Variants in HECTD4 observed in about 807,000 individuals in gnomAD.
The protein encoded by HECTD4 is HECT domain E3 ubiquitin protein ligase 4, also known as probable E3 ubiquitin-protein ligase HECTD4.
HECTD4 carries 114 observed loss-of-function variants against 471.5 expected under a neutral mutation model. The observed-to-expected ratio is 0.24, with a 90% CI of 0.21 to 0.28. The LOEUF is 0.28. Among genes scored for constraint, HECTD4 ranks in the 10% least tolerant of loss-of-function variants. The pLI is 1.00. For synonymous variants in HECTD4, 2,012 were observed against 2,256.0 expected, an observed-to-expected ratio of 0.89 and a Z score of 3.07; for missense variants, 3,866 against 5,651.5, an observed-to-expected ratio of 0.68 and a Z score of 10.13.
chr12:112,217,033 C>A lies in HECTD4; in HGVS notation c.7236+1G>T. 1 of 1,583,564 alleles carries A rather than the reference C, an allele frequency of 6.3e-7. No homozygotes were observed. Reference sequence around the variant, plus strand: ...AGACAGTGTGTCATGTGATGTCTCACCTGAACTGGCAGTGGTGAAGTGGCA... The same window carrying A: ...AGACAGTGTGTCATGTGATGTCTCAACTGAACTGGCAGTGGTGAAGTGGCA... On this transcript the variant is annotated splice_donor_variant, in intron 46 of 75. Transcript: ENST00000682272. LOFTEE classifies it high-confidence loss of function.
In HECTD4 at chr12:112,235,822, A is replaced by G. The variant is rs371513903; in HGVS notation, c.5445-38T>C. The G allele has an allele frequency of 3.9e-6, 6 of 1,544,232 alleles. No individual in the cohort carries two copies. Among genetic ancestry groups the G allele is most frequent in the Non-Finnish European group, 5.3e-6 (6 of 1,139,404 alleles). ...GAAGAAAAGGTACACAGTGCTAGAAATGTTGATCTATAGACATTCAGAAGC... is the reference window on the plus strand; with the variant it reads ...GAAGAAAAGGTACACAGTGCTAGAAGTGTTGATCTATAGACATTCAGAAGC... On this transcript the variant is annotated intron_variant, in intron 35 of 75. Coordinates refer to ENST00000682272, the MANE Select transcript of HECTD4 (RefSeq NM_001388303.1). This position sits in a 1 kb window ranked among gnomAD's most constrained non-coding sequence, Gnocchi z 5.0.
chr12:112,367,039 C>A (rs1185393797), intron 1 of HECTD4, among the ~76,000 whole-genome samples: 2 of 150,584 alleles, frequency 1.3e-5, no homozygotes, highest in Non-Finnish European at 3.0e-5. Context: ...TAGTGGCTCA[C>A]GCATGTAATC....
chr12:112,253,326 T>C (rs1394125888), intron 22 of HECTD4, among the ~76,000 whole-genome samples: 1 of 151,988 alleles, frequency 6.6e-6, no homozygotes, highest in Non-Finnish European at 1.5e-5. Context: ...GGTTTCATCA[T>C]GTTGGCCAGG....
chr12:112,204,745 T>C, intron 52 of HECTD4, 122 bp from the exon 53 acceptor site: 2 of 805,038 alleles, frequency 2.5e-6, no homozygotes, highest in South Asian at 1.9e-5. Context: ...TGAAAGTACA[T>C]AACCCTTTGG....
At position 112,161,678 on chromosome 12, in the gene HECTD4, A is replaced by C. The variant is rs2030695650; in HGVS notation, c.*709T>G. 6.6e-6 allele frequency: 1 copy of C among 152,198 alleles called. No individual in the cohort carries two copies. Among genetic ancestry groups the C allele is most frequent in the Admixed American group, 6.5e-5 (1 of 15,276 alleles). 9.4% of individuals were successfully genotyped at this position (152,198 alleles called of 1,614,324 possible). ...GAACTAAGGTCGGGATGAACCCTTA[A>C]GTCTCCTGCTCCCGAGGAGGCCTCA... On this transcript the variant is annotated 3_prime_UTR_variant, in exon 76 of 76. Coordinates refer to ENST00000682272, the MANE Select transcript of HECTD4 (RefSeq NM_001388303.1).
At chr12:112,251,953 G>T (rs564146915) in intron 23 of HECTD4, among the ~76,000 whole-genome samples, 1 of 152,080 alleles carries the variant, frequency 6.6e-6, no homozygotes, top group African/African-American at 2.4e-5. Flanking sequence ...TGTATTTTTA[G>T]TAGAGACGGG....
chr12:112,352,275 A>G (rs949337934), intron 1 of HECTD4, among the ~76,000 whole-genome samples: 38 of 151,830 alleles, frequency 2.5e-4, no homozygotes, highest in African/African-American at 9.2e-4. Context: ...CTTTTAAACG[A>G]GACTAATGAG....
Position 112,246,988 on chromosome 12 carries a change from T to C in HECTD4, c.4426A>G (p.Asn1476Asp). Residue 1476 changes from asparagine (N) to aspartate (D), a missense_variant, in exon 29 of 76, where the codon AAC (asparagine) becomes GAC (aspartate). Around this residue, in one of 16 missense-constraint regions of HECTD4, gnomAD observed 281 missense variants for 499.9 expected, o/e 0.56. Coordinates refer to ENST00000682272, the MANE Select transcript of HECTD4 (RefSeq NM_001388303.1). ...ACATGCAGCAACAGCTCGGCTCGGTTCATTAAACTCTTCACTAACGTCTTT... is the reference window on the plus strand; with the variant it reads ...ACATGCAGCAACAGCTCGGCTCGGTCCATTAAACTCTTCACTAACGTCTTT... ...KTKTLVKSLM[N>D]RAELLLHVTI... The C allele has an allele frequency of 6.2e-7, 1 of 1,612,106 alleles. No individual in the cohort carries two copies. Among genetic ancestry groups the C allele is most frequent in the East Asian group, 2.2e-5 (1 of 44,882 alleles).
rs1273352859 is a variant in HECTD4 at position 112,247,554 on chromosome 12, A to C, written c.4249-4T>G. ...GTTCTAGTTCTTTCATTTTGTTCTAAAGAAAAAAAAGATGGTATGCAGAAT... is the reference window on the plus strand; with the variant it reads ...GTTCTAGTTCTTTCATTTTGTTCTACAGAAAAAAAAGATGGTATGCAGAAT... On this transcript the variant is annotated splice_polypyrimidine_tract_variant and splice_region_variant and intron_variant, in intron 27 of 75. Transcript: ENST00000682272. 1.4e-6 allele frequency: 2 copies of C among 1,409,098 alleles called. No individual in the cohort carries two copies. The highest frequency in any genetic ancestry group is 1.9e-6 in the Non-Finnish European group (2 of 1,040,346). The allele number at this position is 1,409,098 out of a possible 1,614,324, so 87.3% of individuals were successfully genotyped here. A position where few individuals can be genotyped will look rare whatever the true frequency, so the allele number is the denominator to read the frequency against.
Position 112,219,483 on chromosome 12 carries a change from C to T in HECTD4, c.6977G>A (p.Arg2326Gln), listed in dbSNP as rs759911701. 28 of 1,612,824 alleles carry T rather than the reference C, an allele frequency of 1.7e-5. No homozygotes were observed. Among genetic ancestry groups the T allele is most frequent in the Admixed American group, 6.7e-5 (4 of 59,968 alleles). The change falls in exon 45 of 76, where the codon CGA becomes CAA. Residue 2326 changes from arginine to glutamine, a missense_variant. Physicochemically the swap from Arg to Gln is conservative, Grantham distance 43. Coordinates refer to ENST00000682272, the MANE Select transcript of HECTD4 (RefSeq NM_001388303.1). The stretch of plus-strand genomic sequence containing the variant: ...ACACTGTACCTCCACAACTGCAAGT[C>T]GCTCTCCTGTAGAGGGCACATGTTG... ...LVAQECSAGE[R>Q]LAVVEVQCER...
intron 1 of HECTD4, among the ~76,000 whole-genome samples, chr12:112,354,715 C>T (rs1274198716): frequency 5.3e-5 from 8 of 152,042 alleles, no homozygotes; most frequent in Admixed American, 4.6e-4. Context: ...CACACACACA[C>T]GCACGCACAA....
chr12:112,274,319 T>C (rs1334084766), intron 10 of HECTD4, among the ~76,000 whole-genome samples: 3 of 152,230 alleles, frequency 2.0e-5, no homozygotes, highest in Admixed American at 2.0e-4. Flanking sequence ...TCACACAACC[T>C]AATCAATAGT....
intron 45 of HECTD4, among the ~76,000 whole-genome samples, chr12:112,217,926 T>C (rs1234462612): frequency 6.6e-6 from 1 of 152,166 alleles, no homozygotes; most frequent in Non-Finnish European, 1.5e-5. Context: ...TTTTTAATCA[T>C]TCTAATCATA....
chr12:112,375,223 G>T (rs945377621), intron 1 of HECTD4, among the ~76,000 whole-genome samples: 1 of 152,136 alleles, frequency 6.6e-6, no homozygotes, highest in Non-Finnish European at 1.5e-5. Context: ...GAGTACCAAC[G>T]GTTCATTCGT....
chr12:112,264,320 A>G, intron 16 of HECTD4, 108 bp from the exon 17 acceptor site: 1 of 1,108,324 alleles, frequency 9.0e-7, no homozygotes, highest in Non-Finnish European at 1.2e-6. Flanking sequence ...AAAGAGAAAT[A>G]AAAAAAACAG....
chr12:112,172,407 C>T (rs1218381620), intron 67 of HECTD4, among the ~76,000 whole-genome samples: 1 of 152,256 alleles, frequency 6.6e-6, no homozygotes, highest in African/African-American at 2.4e-5. Context: ...TTCCCCGCAG[C>T]CGTGCATTTC....
At chr12:112,325,106 G>A (rs1172926471) in intron 1 of HECTD4, among the ~76,000 whole-genome samples, 1 of 152,144 alleles carries the variant, frequency 6.6e-6, no homozygotes, top group African/African-American at 2.4e-5. Flanking sequence ...AAAATGATGT[G>A]TATGACAAAA....
Position 112,319,764 on chromosome 12 carries a change from A to T in HECTD4, c.178-22T>A, listed in dbSNP as rs2035548611. 2 of 1,244,508 alleles carry T rather than the reference A, an allele frequency of 1.6e-6. No individual in the cohort carries two copies. The highest frequency in any genetic ancestry group is 1.0e-6 in the Non-Finnish European group (1 of 994,562). The allele number at this position is 1,244,508 out of a possible 1,614,324, so 77.1% of individuals were successfully genotyped here. A position where few individuals can be genotyped will look rare whatever the true frequency, so the allele number is the denominator to read the frequency against. ...AAATCTAAGGAAAAAGACGATGGAG[A>T]AGTGGGTAAATATTACTTTCACCAA... On this transcript the variant is annotated intron_variant, in intron 1 of 75. Coordinates refer to ENST00000682272, the MANE Select transcript of HECTD4 (RefSeq NM_001388303.1). The surrounding 1 kb of genome is among the most constrained non-coding windows in gnomAD (Gnocchi z 5.3).
intron 55 of HECTD4, among the ~76,000 whole-genome samples, chr12:112,196,473 A>C (rs1421625988): frequency 6.6e-6 from 1 of 152,190 alleles, no homozygotes; most frequent in East Asian, 1.9e-4. Context: ...AACAAAGCAC[A>C]TGAGGACCAC....
Sources: allele counts gnomAD v4.1 joint callset (sites outside exome capture counted in the v4.1 genomes callset), GRCh38; gene constraint gnomAD v4.1.1; regional missense constraint gnomAD v4.1.1; non-coding constraint Gnocchi (gnomAD v3.1); transcripts MANE v1.5; gene names NCBI Gene and HGNC (gene_info 2026-07-23, HGNC 2026-07-21).